Variants in UBAP2 observed in about 807,000 individuals in gnomAD.
UBAP2 encodes the protein ubiquitin-associated protein 2.
Under a neutral mutation model 139.6 loss-of-function variants are expected in UBAP2, and 75 were observed. The ratio of observed to expected loss-of-function variants is 0.54; its 90% CI spans 0.45 to 0.65. The LOEUF (loss-of-function observed/expected upper bound fraction) is 0.65. Ranked by LOEUF, UBAP2 falls within the 30% of genes least tolerant of loss-of-function variation. The pLI is 0.00. For synonymous variants in UBAP2, 526 were observed against 526.2 expected (o/e 1.00, Z 0.01); for missense variants, 1,368 against 1,369.6 (o/e 1.00, Z 0.02).
intron 1 of UBAP2, among the ~76,000 whole-genome samples, chr9:34,034,371 A>ATTAC (rs1251316116): frequency 6.6e-6 from 1 of 152,146 alleles, no homozygotes; most frequent in Non-Finnish European, 1.5e-5. Flanking sequence ...TGACATCCTT[A>ATTAC]TTACTTAATC....
chr9:33,922,305 C>G lies in UBAP2; in HGVS notation c.*199G>C, dbSNP rs1822954747. The G allele has an allele frequency of 1.7e-6, 1 of 595,728 alleles. No individual in the cohort carries two copies. The highest frequency in any genetic ancestry group is 2.9e-6 in the Non-Finnish European group (1 of 339,210). 36.9% of individuals were successfully genotyped at this position (595,728 alleles called of 1,614,324 possible). A position where few individuals can be genotyped will look rare whatever the true frequency, so the allele number is the denominator to read the frequency against. On this transcript the variant is annotated 3_prime_UTR_variant, in exon 29 of 29. Transcript: ENST00000379238. ...TCTGCCGCCATCCCCCAACTCCCCCCCAGACTTCTATCACATTTACAAATA... is the reference window on the plus strand; with the variant it reads ...TCTGCCGCCATCCCCCAACTCCCCCGCAGACTTCTATCACATTTACAAATA...
At chr9:33,930,076 A>G (rs1205076254) in intron 19 of UBAP2, among the ~76,000 whole-genome samples, 1 of 152,202 alleles carries the variant, frequency 6.6e-6, no homozygotes, top group Non-Finnish European at 1.5e-5. Context: ...AATGGTTTTC[A>G]AATATATAAA....
chr9:33,931,393 A>C (rs542161313), intron 19 of UBAP2, among the ~76,000 whole-genome samples: 38 of 152,326 alleles, frequency 2.5e-4, no homozygotes, highest in African/African-American at 8.7e-4. Context: ...GCAGGCTGGA[A>C]TACATGGTCT....
At chr9:33,939,042 G>A (rs1824849092) in intron 16 of UBAP2, 1 of 353,898 alleles carries the variant, frequency 2.8e-6, no homozygotes. Context: ...AGGGAATGAT[G>A]AAAAGACAAA....
chr9:33,983,469 C>T (rs1283676731), intron 6 of UBAP2, among the ~76,000 whole-genome samples: 1 of 152,122 alleles, frequency 6.6e-6, no homozygotes, highest in Non-Finnish European at 1.5e-5. Context: ...AGCTGGGTTA[C>T]TATGTATTCC....
chr9:34,018,437 G>C lies in UBAP2; in HGVS notation c.-41-1248C>G, dbSNP rs982974090. Among the ~76,000 whole-genome samples, 5 of 150,994 alleles carry C rather than the reference G, an allele frequency of 3.3e-5. No homozygotes were observed. The South Asian group carries it at 1.0e-3, about 31-fold the overall frequency. ...TAAAGTGGTACAACCATCATTAAAAGAATGGTGGTTCCTTAAAAAAAAAAA... is the reference window on the plus strand; with the variant it reads ...TAAAGTGGTACAACCATCATTAAAACAATGGTGGTTCCTTAAAAAAAAAAA... On this transcript the variant is annotated intron_variant, in intron 1 of 28. Coordinates refer to ENST00000379238, the MANE Select transcript of UBAP2 (RefSeq NM_001370062.2).
At chr9:33,980,216 ATTTCTTT>A (rs1564043219) in intron 6 of UBAP2, among the ~76,000 whole-genome samples, 2 of 77,310 alleles carry the variant, frequency 2.6e-5, no homozygotes, top group Non-Finnish European at 5.3e-5. Flanking sequence ...CCTGAGTGTC[ATTTCTTT>A]TTTTTTTTTT....
At chr9:34,022,825 C>T (rs1234028635) in intron 1 of UBAP2, among the ~76,000 whole-genome samples, 1 of 152,098 alleles carries the variant, frequency 6.6e-6, no homozygotes, top group Non-Finnish European at 1.5e-5. Context: ...AGTAGTATTC[C>T]TACCACAAAA....
intron 20 of UBAP2, 127 bp downstream of exon 20, chr9:33,927,670 C>CA (rs1219802384): frequency 1.0e-6 from 1 of 958,254 alleles, no homozygotes; most frequent in Non-Finnish European, 1.5e-6. Flanking sequence ...GCCTCAAGGT[C>CA]AGTGGAACAC....
Position 33,944,549 on chromosome 9 carries a change from G to A in UBAP2, c.1361C>T (p.Pro454Leu), listed in dbSNP as rs1825506412. 6.2e-7 allele frequency: 1 copy of A among 1,614,134 alleles called. No homozygotes were observed. Among genetic ancestry groups the A allele is most frequent in the African/African-American group, 1.3e-5 (1 of 75,028 alleles). The change falls in exon 14 of 29, where the codon CCT (proline) becomes CTT (leucine). Residue 454 changes from proline to leucine, a missense_variant. By Grantham distance (98) the Pro-to-Leu change is moderately conservative. Transcript: ENST00000379238. ...HQSQAVTVPPPGLESFPSQAK... is the reference protein window; with the variant it reads ...HQSQAVTVPPLGLESFPSQAK... ...CTGGGAAGGAAAGGACTCCAAACCA[G>A]GAGGAGGAACAGTGACTGCCTGGCT...
At chr9:33,963,608 A>C (rs1402416084) in intron 9 of UBAP2, 118 bp downstream of exon 9, 3 of 598,018 alleles carry the variant, frequency 5.0e-6, no homozygotes, top group East Asian at 5.9e-5. Context: ...AAATAGGTAT[A>C]GTTTACAAAC....
chr9:34,016,370 C>CGGCAGCGGCGGTGGTGGT (rs1321174650), intron 2 of UBAP2, among the ~76,000 whole-genome samples: 2 of 93,690 alleles, frequency 2.1e-5, no homozygotes, highest in African/African-American at 9.8e-5. Context: ...GCGGCAGCGG[C>CGGCAGCGGCGGTGGTGGT]GGTGGTGGTG....
At chr9:34,003,375 C>CTTT (rs34673994) in intron 2 of UBAP2, among the ~76,000 whole-genome samples, 32 of 138,214 alleles carry the variant, frequency 2.3e-4, no homozygotes, top group East Asian at 2.2e-4. Flanking sequence ...TCAAAGATGG[C>CTTT]TTTTTTTTTT....
chr9:34,028,955 A>T (rs1268911297), intron 1 of UBAP2, among the ~76,000 whole-genome samples: 2 of 151,534 alleles, frequency 1.3e-5, no homozygotes, highest in Admixed American at 6.6e-5. Context: ...TATACAATAA[A>T]TTTTTTTTTA....
chr9:34,031,062 G>T (rs1825846030), intron 1 of UBAP2, among the ~76,000 whole-genome samples: 1 of 152,048 alleles, frequency 6.6e-6, no homozygotes, highest in African/African-American at 2.4e-5. Flanking sequence ...CTGGCAAGGT[G>T]GGAGTCAGGA....
intron 1 of UBAP2, among the ~76,000 whole-genome samples, chr9:34,041,464 C>CAAAAAAAAAAAA (rs1226126055): frequency 1.2e-5 from 1 of 82,524 alleles, no homozygotes; most frequent in Admixed American, 1.5e-4. Flanking sequence ...AACTCCATCT[C>CAAAAAAAAAAAA]AAAAAAAAAA....
chr9:34,041,893 C>T lies in UBAP2; in HGVS notation c.-42+6932G>A, dbSNP rs374220194. ...TACAAAAATTAGCCAGGCATGGTGG[C>T]GGGCACCTGTAGTCCCAGCTATTTG... On this transcript the variant is annotated intron_variant, in intron 1 of 28. Coordinates refer to ENST00000379238, the MANE Select transcript of UBAP2 (RefSeq NM_001370062.2). 1.4e-4 allele frequency among the ~76,000 whole-genome samples: 21 copies of T among 151,592 alleles called. 2 individuals are homozygous for T. The highest frequency in any genetic ancestry group is 4.8e-4 in the African/African-American group (20 of 41,324).
Position 33,927,909 on chromosome 9 carries a change from G to A in UBAP2, c.2259C>T (p.Ser753=). The part of the protein sequence containing the change: ...TAATSVSSSA[S]SGASLSSSMN... Reference sequence around the variant, plus strand: ...TGCTACTGGACAGGCTGGCGCCTGAGGATGCGGAACTTGAGACGGAGGTCG... The same window carrying A: ...TGCTACTGGACAGGCTGGCGCCTGAAGATGCGGAACTTGAGACGGAGGTCG... The change falls in exon 20 of 29, where the codon TCC becomes TCT. Residue 753 remains serine (S), a synonymous_variant. Coordinates refer to ENST00000379238, the MANE Select transcript of UBAP2 (RefSeq NM_001370062.2). 2 of 1,614,242 alleles carry A rather than the reference G, an allele frequency of 1.2e-6. No homozygotes were observed. Among genetic ancestry groups the A allele is most frequent in the South Asian group, 2.2e-5 (2 of 91,084 alleles).
At chr9:34,018,642 C>T (rs534372696) in intron 1 of UBAP2, among the ~76,000 whole-genome samples, 106 of 152,114 alleles carry the variant, frequency 7.0e-4, no homozygotes, top group Non-Finnish European at 1.3e-3. Flanking sequence ...GGCGGGAGGA[C>T]CACAAGGTCA....
Sources: allele counts gnomAD v4.1 joint callset (sites outside exome capture counted in the v4.1 genomes callset), GRCh38; gene constraint gnomAD v4.1.1; transcripts MANE v1.5; gene names NCBI Gene and HGNC (gene_info 2026-07-23, HGNC 2026-07-21).